Variants in ATP5F1A observed in about 807,000 individuals in gnomAD.
ATP5F1A encodes the protein ATP synthase F(1) complex subunit alpha, mitochondrial.
Under a neutral mutation model 57.4 loss-of-function variants are expected in ATP5F1A, and 24 were observed. That is an observed-to-expected ratio of 0.42 (90% CI 0.30 to 0.59). ATP5F1A has a LOEUF of 0.59. ATP5F1A is among the 20% of genes least tolerant of loss of function. The pLI, the probability that ATP5F1A is intolerant of heterozygous loss-of-function variation, is 0.19. For synonymous variants in ATP5F1A, 251 were observed against 255.5 expected, an observed-to-expected ratio of 0.98 and a Z score of 0.17; for missense variants, 494 against 707.9, an observed-to-expected ratio of 0.70 and a Z score of 3.43.
At chr18:46,096,500 C>CA (rs770383471) in intron 1 of ATP5F1A, among the ~76,000 whole-genome samples, 6,988 of 70,576 alleles carry the variant, frequency 0.099, 373 homozygotes, top group African/African-American at 0.17. Context: ...AACTCCGTCT[C>CA]AAAAAAAAAA....
In ATP5F1A at chr18:46,088,433, A is replaced by T. The variant is rs1032377214; in HGVS notation, c.651-176T>A. On this transcript the variant is annotated intron_variant, in intron 5 of 11. Coordinates refer to ENST00000398752, the MANE Select transcript of ATP5F1A (RefSeq NM_004046.6). Reference sequence around the variant, plus strand: ...CTGCCTTGAGATGCTGTTAGTCTGTAACCATAGCCCCAACCCTGTGCTCGC... The same window carrying T: ...CTGCCTTGAGATGCTGTTAGTCTGTTACCATAGCCCCAACCCTGTGCTCGC... 2.3e-5 allele frequency: 13 copies of T among 555,164 alleles called. No individual in the cohort carries two copies. The East Asian group carries it at 4.0e-4, about 17-fold the overall frequency. The allele number at this position is 555,164 out of a possible 1,614,324, so 34.4% of individuals were successfully genotyped here. A position where few individuals can be genotyped will look rare whatever the true frequency, so the allele number is the denominator to read the frequency against.
rs756691281 is a variant in ATP5F1A, at chr18:46,086,395, T to C, written c.1276A>G (p.Met426Val). 6.2e-7 allele frequency: 1 copy of C among 1,614,174 alleles called. No homozygotes were observed. The part of the protein sequence containing the change: ...RVGSAAQTRA[M>V]KQVAGTMKLE... ...AAGTGATGCAAAATTACCTGCTTCA[T>C]AGCCCTGGTTTGGGCAGCGGATCCG... Residue 426 changes from methionine to valine, a missense_variant, in exon 9 of 12, where the codon ATG (methionine) becomes GTG (valine). By Grantham distance (21) the Met-to-Val change is conservative. Coordinates refer to ENST00000398752, the MANE Select transcript of ATP5F1A (RefSeq NM_004046.6).
chr18:46,100,251 T>TAAAAAAAAAA (rs34683117), upstream of ATP5F1A, among the ~76,000 whole-genome samples: 6 of 68,642 alleles, frequency 8.7e-5, no homozygotes, highest in East Asian at 8.3e-4. Flanking sequence ...AAACTCCATC[T>TAAAAAAAAAA]AAAAAAAAAA....
At chr18:46,098,725 G>C (rs562325859), upstream of ATP5F1A, among the ~76,000 whole-genome samples, 7 of 152,238 alleles carry the variant, frequency 4.6e-5, no homozygotes, top group Non-Finnish European at 8.8e-5. Context: ...CCCGGGACTG[G>C]CCACCAGCAG....
At position 46,087,175 on chromosome 18, in the gene ATP5F1A, A is replaced by G; in HGVS notation, c.1009T>C (p.Tyr337His). Residue 337 changes from tyrosine to histidine, a missense_variant, in exon 8 of 12, where the codon TAT becomes CAT. By Grantham distance (83) the Tyr-to-His change is moderately conservative. This residue lies in a region of ATP5F1A where 15 missense variants were observed against 49.5 expected (regional missense o/e 0.30). Transcript: ENST00000398752. ...TGTAGGTAGAACACATCACCAGGAT[A>G]GGCCTCACGACCAGGGGGTCGGCGG... ...LLRRPPGREA[Y>H]PGDVFYLHSR... 6.2e-7 allele frequency: 1 copy of G among 1,614,238 alleles called. No homozygotes were observed. The highest frequency in any genetic ancestry group is 1.1e-5 in the South Asian group (1 of 91,088).
At position 46,091,764 on chromosome 18, in the gene ATP5F1A, C is replaced by T; in HGVS notation, c.227G>A (p.Ser76Asn). The T allele has an allele frequency of 1.9e-6, 3 of 1,613,986 alleles. No homozygotes were observed. The highest frequency in any genetic ancestry group is 2.7e-5 in the African/African-American group (2 of 74,996). ...TACGCGGGCAATACCATCACCAATA[C>T]TTAAGACACGCCCAGTTTCTTCAAG... Reference protein sequence around the residue: ...VDLEETGRVLSIGDGIARVHG... With the variant: ...VDLEETGRVLNIGDGIARVHG... The change falls in exon 3 of 12, where the codon AGT becomes AAT. Residue 76 changes from serine to asparagine, a missense_variant. Around this residue, in one of 6 missense-constraint regions of ATP5F1A, gnomAD observed 142 missense variants for 137.5 expected, o/e 1.03. Coordinates refer to ENST00000398752, the MANE Select transcript of ATP5F1A (RefSeq NM_004046.6).
At chr18:46,094,164 T>TACACACACACACAC (rs71938962) in intron 2 of ATP5F1A, among the ~76,000 whole-genome samples, 9 of 149,040 alleles carry the variant, frequency 6.0e-5, no homozygotes, top group Non-Finnish European at 7.4e-5. Flanking sequence ...TGTGTACACA[T>TACACACACACACAC]ACACACACAC....
intron 2 of ATP5F1A, among the ~76,000 whole-genome samples, chr18:46,094,450 C>G (rs1347312650): frequency 6.6e-6 from 1 of 151,970 alleles, no homozygotes; most frequent in East Asian, 1.9e-4. Flanking sequence ...AGGCATATCA[C>G]AAGGTCAGGA....
chr18:46,086,607 A>T, intron 8 of ATP5F1A, 113 bp from the exon 9 acceptor site: 1 of 963,474 alleles, frequency 1.0e-6, no homozygotes, highest in Non-Finnish European at 1.5e-6. Context: ...AATGCAAAGC[A>T]TCAGTACCCC....
At chr18:46,089,764 A>C (rs1187340287) in intron 4 of ATP5F1A, 32 bp from the exon 5 acceptor site, 6 of 1,612,468 alleles carry the variant, frequency 3.7e-6, no homozygotes, top group Non-Finnish European at 5.1e-6. Context: ...AACCCTAAGC[A>C]TAATCAGTTT....
At chr18:46,090,394 T>C (rs1220986841) in intron 3 of ATP5F1A, among the ~76,000 whole-genome samples, 1 of 152,210 alleles carries the variant, frequency 6.6e-6, no homozygotes, top group East Asian at 1.9e-4. Flanking sequence ...GATTATCATC[T>C]TATTTATGTG....
chr18:46,093,299 G>A (rs9945751), intron 2 of ATP5F1A: 58,555 of 151,760 alleles, frequency 0.39, 11,674 homozygotes, highest in Middle Eastern at 0.53. Flanking sequence ...CACTTTGGGA[G>A]GCGGGCGGAC....
At chr18:46,097,420 C>G (rs1216518358) in intron 1 of ATP5F1A, among the ~76,000 whole-genome samples, 1 of 152,108 alleles carries the variant, frequency 6.6e-6, no homozygotes, top group Non-Finnish European at 1.5e-5. Flanking sequence ...CAACCTTGTT[C>G]TCTTTTACTT....
chr18:46,084,970 C>T (rs1303603291), intron 10 of ATP5F1A: 1 of 220,482 alleles, frequency 4.5e-6, no homozygotes, highest in Non-Finnish European at 8.8e-6. Flanking sequence ...AAAATAAAAA[C>T]GTATTAACTT....
At chr18:46,096,714 G>A (rs552713375) in intron 1 of ATP5F1A, among the ~76,000 whole-genome samples, 18 of 151,836 alleles carry the variant, frequency 1.2e-4, no homozygotes, top group Non-Finnish European at 2.4e-4. Context: ...GGGCACGACG[G>A]CTCATGCTTG....
rs200512497 is a variant in ATP5F1A at position 46,084,309 on chromosome 18, T to C, written c.1635A>G (p.Thr545=). Residue 545 remains threonine (T), a synonymous_variant, in exon 12 of 12, where the codon ACA becomes ACG. Transcript: ENST00000398752. ...AAGCTTCAAATCCAGCCAAGAAATTTGTTACAATCTCTTTCAGCTTTGCAT... is the reference window on the plus strand; with the variant it reads ...AAGCTTCAAATCCAGCCAAGAAATTCGTTACAATCTCTTTCAGCTTTGCAT... ...QSDAKLKEIV[T]NFLAGFEA The C allele has an allele frequency of 1.6e-5, 26 of 1,613,058 alleles. No homozygotes were observed. In the Admixed American group the frequency reaches 1.8e-4, roughly 11 times the overall value.
In ATP5F1A at chr18:46,090,178, T is replaced by A. The variant is rs538684176; in HGVS notation, c.310-182A>T. On this transcript the variant is annotated intron_variant, in intron 3 of 11. Coordinates refer to ENST00000398752, the MANE Select transcript of ATP5F1A (RefSeq NM_004046.6). ...CCCTCTCTGATTAAGACTTTTAAAA[T>A]TGCTATTTTGAATAATCTTAGGACA... 6.4e-4 allele frequency among the ~76,000 whole-genome samples: 97 copies of A among 152,310 alleles called. 1 individual carries two copies. In the South Asian group the frequency reaches 0.02, roughly 31 times the overall value.
chr18:46,103,589 T>C (rs1186760829), intron 1 of ATP5F1A, among the ~76,000 whole-genome samples: 2 of 107,594 alleles, frequency 1.9e-5, no homozygotes, highest in Non-Finnish European at 3.4e-5. Flanking sequence ...CCCTCCAGCC[T>C]GAACAACAGA....
chr18:46,092,630 T>C (rs1456521805), intron 2 of ATP5F1A, among the ~76,000 whole-genome samples: 3 of 150,210 alleles, frequency 2.0e-5, no homozygotes, highest in Non-Finnish European at 4.4e-5. Context: ...TATATATATA[T>C]ATATATTCTA....
Sources: allele counts gnomAD v4.1 joint callset (sites outside exome capture counted in the v4.1 genomes callset), GRCh38; gene constraint gnomAD v4.1.1; regional missense constraint gnomAD v4.1.1; transcripts MANE v1.5; gene names NCBI Gene and HGNC (gene_info 2026-07-23, HGNC 2026-07-21).